DTWD2: variants seen among roughly 807,000 people sequenced by gnomAD.
DTWD2 encodes DTW motif tRNA-uridine aminocarboxypropyltransferase 2.
Under a neutral mutation model 31.8 loss-of-function variants are expected in DTWD2, and 39 were observed. The observed-to-expected ratio is 1.22, with a 90% CI of 0.95 to 1.60. The LOEUF is 1.60. Among genes scored for constraint, DTWD2 ranks in the 40% most tolerant of loss-of-function variants. The pLI, the probability that DTWD2 is intolerant of heterozygous loss-of-function variation, is 0.00. For missense variants in DTWD2, 515 were observed against 381.5 expected, an observed-to-expected ratio of 1.35 and a Z score of -2.92; for synonymous variants, 180 against 142.8, an observed-to-expected ratio of 1.26 and a Z score of -1.86.
At chr5:118,889,236 A>G (rs1339801075) in intron 4 of DTWD2, among the ~76,000 whole-genome samples, 1 of 152,196 alleles carries the variant, frequency 6.6e-6, no homozygotes, top group Non-Finnish European at 1.5e-5. Context: ...ATAACAAGCC[A>G]AGAAAAATTC....
intron 1 of DTWD2, among the ~76,000 whole-genome samples, chr5:118,975,107 C>T (rs954632166): frequency 6.6e-6 from 1 of 152,138 alleles, no homozygotes; most frequent in African/African-American, 2.4e-5. Context: ...TGGATAATAT[C>T]CTGAAGAGTG....
intron 4 of DTWD2, among the ~76,000 whole-genome samples, chr5:118,905,660 G>GT (rs1425401971): frequency 1.3e-5 from 2 of 152,030 alleles, no homozygotes. Context: ...GATCGCCCTG[G>GT]TAAGACTATT....
chr5:118,900,733 T>C (rs1305575754), intron 4 of DTWD2, among the ~76,000 whole-genome samples: 1 of 152,014 alleles, frequency 6.6e-6, no homozygotes, highest in East Asian at 1.9e-4. Flanking sequence ...GAGACCATCC[T>C]GGCTAACATG....
chr5:118,965,093 C>G (rs938825880), intron 1 of DTWD2, among the ~76,000 whole-genome samples: 1 of 151,928 alleles, frequency 6.6e-6, no homozygotes, highest in African/African-American at 2.4e-5. Flanking sequence ...CCGGCCGCAA[C>G]CCCGTCTGGG....
In DTWD2 at chr5:118,840,894, C is replaced by G. The variant is rs1239693658; in HGVS notation, c.*23G>C. ...GTATTGTTAGATGAAGACAGTTAAGCTAGCACCAAAAGAATAACTGTACTA... is the reference window on the plus strand; with the variant it reads ...GTATTGTTAGATGAAGACAGTTAAGGTAGCACCAAAAGAATAACTGTACTA... On this transcript the variant is annotated 3_prime_UTR_variant, in exon 6 of 6. Transcript: ENST00000510708. The G allele has an allele frequency of 1.2e-6, 2 of 1,607,380 alleles. No individual in the cohort carries two copies. The highest frequency in any genetic ancestry group is 1.7e-6 in the Non-Finnish European group (2 of 1,176,538).
chr5:118,929,675 A>G (rs1337392439), intron 3 of DTWD2, among the ~76,000 whole-genome samples: 1 of 152,194 alleles, frequency 6.6e-6, no homozygotes, highest in Non-Finnish European at 1.5e-5. Flanking sequence ...GGAAACCAAA[A>G]TATTTCACTT....
chr5:118,883,486 A>G (rs886303155), intron 4 of DTWD2, among the ~76,000 whole-genome samples: 2 of 152,116 alleles, frequency 1.3e-5, no homozygotes, highest in Non-Finnish European at 2.9e-5. Flanking sequence ...ATATTAGTCC[A>G]TTTTCACATT....
At chr5:118,859,510 C>T (rs1481524031) in intron 4 of DTWD2, among the ~76,000 whole-genome samples, 1 of 152,182 alleles carries the variant, frequency 6.6e-6, no homozygotes, top group East Asian at 1.9e-4. Flanking sequence ...ATTATCCCAT[C>T]TTATGGATCC....
intron 1 of DTWD2, among the ~76,000 whole-genome samples, chr5:118,968,505 G>C (rs886595619): frequency 6.6e-6 from 1 of 152,166 alleles, no homozygotes; most frequent in African/African-American, 2.4e-5. Context: ...GGAAAAGCAG[G>C]GTGGGGAGAC....
intron 4 of DTWD2, among the ~76,000 whole-genome samples, chr5:118,891,019 G>A (rs1195851667): frequency 6.6e-6 from 1 of 151,240 alleles, no homozygotes; most frequent in South Asian, 2.1e-4. Context: ...ATTCTGTAAG[G>A]TGAAAAATAC....
At chr5:118,896,212 G>A (rs1017252100) in intron 4 of DTWD2, among the ~76,000 whole-genome samples, 2 of 152,034 alleles carry the variant, frequency 1.3e-5, no homozygotes, top group African/African-American at 2.4e-5. Flanking sequence ...ACAAACCAGT[G>A]AATAAACAAG....
chr5:118,889,357 G>T (rs1356053665), intron 4 of DTWD2, among the ~76,000 whole-genome samples: 1 of 152,018 alleles, frequency 6.6e-6, no homozygotes, highest in African/African-American at 2.4e-5. Flanking sequence ...AATGGCTAAG[G>T]CAGAATAATT....
intron 1 of DTWD2, among the ~76,000 whole-genome samples, chr5:118,945,293 C>T (rs184980220): frequency 4.9e-4 from 74 of 152,214 alleles, no homozygotes; most frequent in African/African-American, 1.6e-3. Flanking sequence ...CTCTTACACA[C>T]AATATAAAGT....
At chr5:118,944,312 G>A (rs1441804799) in intron 2 of DTWD2, among the ~76,000 whole-genome samples, 1 of 152,114 alleles carries the variant, frequency 6.6e-6, no homozygotes, top group African/African-American at 2.4e-5. Flanking sequence ...CAAAATTGTT[G>A]GGAGTTTTAA....
chr5:118,947,603 T>TG (rs1451130322), intron 1 of DTWD2, among the ~76,000 whole-genome samples: 2 of 152,024 alleles, frequency 1.3e-5, no homozygotes, highest in Non-Finnish European at 2.9e-5. Context: ...GGGTACAGGA[T>TG]GGGGGTGGAA....
At chr5:118,898,440 T>C (rs1407393231) in intron 4 of DTWD2, among the ~76,000 whole-genome samples, 1 of 151,494 alleles carries the variant, frequency 6.6e-6, no homozygotes, top group Non-Finnish European at 1.5e-5. Context: ...GGCAGATCAC[T>C]TGAGGTTGGG....
At chr5:118,979,132 A>G (rs539084420) in intron 1 of DTWD2, among the ~76,000 whole-genome samples, 2 of 151,780 alleles carry the variant, frequency 1.3e-5, no homozygotes, top group Non-Finnish European at 2.9e-5. Context: ...GTGAAACCCC[A>G]TCTCTGCTAA....
At chr5:118,847,972 T>G (rs1031985973) in intron 5 of DTWD2, 118 bp downstream of exon 5, 2 of 1,162,622 alleles carry the variant, frequency 1.7e-6, no homozygotes, top group African/African-American at 1.6e-5. Context: ...CATAAATTTC[T>G]AACACAGAAG....
intron 4 of DTWD2, among the ~76,000 whole-genome samples, chr5:118,926,744 A>G (rs1753817453): frequency 6.6e-6 from 1 of 152,024 alleles, no homozygotes; most frequent in African/African-American, 2.4e-5. Flanking sequence ...TCTCTCTGGC[A>G]CCCAGGCTGG....
Sources: allele counts gnomAD v4.1 joint callset (sites outside exome capture counted in the v4.1 genomes callset), GRCh38; gene constraint gnomAD v4.1.1; transcripts MANE v1.5; gene names NCBI Gene and HGNC (gene_info 2026-07-23, HGNC 2026-07-21).